MTPAP: variants seen among roughly 807,000 people sequenced by gnomAD.
The protein encoded by MTPAP is mitochondrial poly(A) polymerase.
In MTPAP, 23 loss-of-function variants were observed where a neutral mutation model predicts 48.7. That is an observed-to-expected ratio of 0.47 (90% CI 0.34 to 0.67). The LOEUF (loss-of-function observed/expected upper bound fraction) is 0.67, where lower values mean the gene tolerates loss of function less well. MTPAP is among the 30% of genes least tolerant of loss of function. The pLI is 0.01. For synonymous variants in MTPAP, 257 were observed against 254.1 expected (o/e 1.01, Z -0.11); for missense variants, 614 against 694.3 (o/e 0.88, Z 1.30).
intron 8 of MTPAP, 29 bp from the exon 9 acceptor site, chr10:30,314,000 G>T (rs751013489): frequency 2.5e-6 from 4 of 1,607,070 alleles, no homozygotes; most frequent in South Asian, 2.2e-5. Context: ...AAGAAAAAAT[G>T]AGTAAGTACA....
intron 4 of MTPAP, among the ~76,000 whole-genome samples, chr10:30,335,289 AC>A (rs1457458868): frequency 6.6e-6 from 1 of 152,092 alleles, no homozygotes; most frequent in Non-Finnish European, 1.5e-5. Flanking sequence ...GGAGTTCAAG[AC>A]CAGCCTGACC....
chr10:30,348,347 T>G lies in MTPAP; in HGVS notation c.157+772A>C, dbSNP rs539565167. Among the ~76,000 whole-genome samples the G allele has an allele frequency of 9.2e-5, 14 of 152,350 alleles. No individual in the cohort carries two copies. In the East Asian group the frequency reaches 2.7e-3, roughly 29 times the overall value. ...AATACATTTTGTTTAATAATTTGAC[T>G]AGAAGTCTAAATTAACTGAGCTAGT... On this transcript the variant is annotated intron_variant, in intron 1 of 8. Transcript: ENST00000263063.
chr10:30,320,155 T>C (rs1439285732), intron 6 of MTPAP, among the ~76,000 whole-genome samples: 1 of 152,130 alleles, frequency 6.6e-6, no homozygotes, highest in East Asian at 1.9e-4. Flanking sequence ...TCCCAGCTAT[T>C]GAGGAGGCTG....
intron 1 of MTPAP, among the ~76,000 whole-genome samples, chr10:30,344,162 C>G (rs1384910104): frequency 1.3e-5 from 2 of 152,166 alleles, no homozygotes; most frequent in African/African-American, 4.8e-5. Context: ...AAAGTGCTTG[C>G]ACCATGTCCC....
intron 5 of MTPAP, among the ~76,000 whole-genome samples, chr10:30,326,062 T>C (rs1214215330): frequency 6.6e-6 from 1 of 152,156 alleles, no homozygotes; most frequent in Non-Finnish European, 1.5e-5. Flanking sequence ...TAAATAGGCA[T>C]CTTTCTTTCT....
chr10:30,345,582 A>G (rs1158137071), intron 1 of MTPAP, among the ~76,000 whole-genome samples: 2 of 152,216 alleles, frequency 1.3e-5, no homozygotes, highest in African/African-American at 4.8e-5. Flanking sequence ...CACGATGACA[A>G]AGTTGTGAAG....
chr10:30,338,205 A>G (rs975480222), intron 3 of MTPAP, among the ~76,000 whole-genome samples: 4 of 152,210 alleles, frequency 2.6e-5, no homozygotes, highest in African/African-American at 9.7e-5. Flanking sequence ...AGCTACAGTG[A>G]GCTGAGATTG....
chr10:30,340,598 AT>A, intron 2 of MTPAP, 148 bp from the exon 3 acceptor site: 1 of 734,692 alleles, frequency 1.4e-6, no homozygotes, highest in Non-Finnish European at 2.3e-6. Flanking sequence ...CATAGCATTA[AT>A]TTTATTCAAT....
At chr10:30,322,725 T>C in intron 5 of MTPAP, 108 bp from the exon 6 acceptor site, 1 of 784,532 alleles carries the variant, frequency 1.3e-6, no homozygotes. Flanking sequence ...TATATCTGAA[T>C]GTATTCAGAA....
At chr10:30,338,747 ACC>A (rs1452630412) in intron 3 of MTPAP, among the ~76,000 whole-genome samples, 1 of 152,228 alleles carries the variant, frequency 6.6e-6, no homozygotes, top group Non-Finnish European at 1.5e-5. Flanking sequence ...AGAAAATTAA[ACC>A]TTGAAAATAA....
At position 30,313,481 on chromosome 10, in the gene MTPAP, T is replaced by G; in HGVS notation, c.*128A>C. ...CTTCAGACCAGGTTAAGGGGGCCAA[T>G]GAGAAGATCATGAAAAGTGACATCA... On this transcript the variant is annotated 3_prime_UTR_variant, in exon 9 of 9. Coordinates refer to ENST00000263063, the MANE Select transcript of MTPAP (RefSeq NM_018109.4). 171 of 1,327,714 alleles carry G rather than the reference T, an allele frequency of 1.3e-4. No individual in the cohort carries two copies. Among genetic ancestry groups the G allele is most frequent in the Middle Eastern group, 1.8e-4 (1 of 5,464 alleles). 82.2% of individuals were successfully genotyped at this position (1,327,714 alleles called of 1,614,324 possible).
intron 4 of MTPAP, among the ~76,000 whole-genome samples, chr10:30,331,048 T>C (rs1834660020): frequency 6.6e-6 from 1 of 152,050 alleles, no homozygotes. Context: ...TGACCAAAAA[T>C]GCAAGCCACG....
chr10:30,314,109 G>A, intron 8 of MTPAP, 138 bp from the exon 9 acceptor site: 1 of 1,054,470 alleles, frequency 9.5e-7, no homozygotes, highest in Non-Finnish European at 1.4e-6. Context: ...TTTCTCAGGG[G>A]ATTGAGTATG....
Position 30,311,468 on chromosome 10 carries a change from C to T in MTPAP, c.*2141G>A, listed in dbSNP as rs533632117. On this transcript the variant is annotated 3_prime_UTR_variant, in exon 9 of 9. Transcript: ENST00000263063. ...AAAGGTAATTACATACCACAAACAC[C>T]GAAAGGCAACAGTTAAAGAGAAGTA... 2.6e-5 allele frequency: 4 copies of T among 152,192 alleles called. No individual in the cohort carries two copies. Among genetic ancestry groups the T allele is most frequent in the South Asian group, 2.1e-4 (1 of 4,828 alleles). The allele number at this position is 152,192 out of a possible 1,614,324, so 9.4% of individuals were successfully genotyped here. A position where few individuals can be genotyped will look rare whatever the true frequency, so the allele number is the denominator to read the frequency against.
rs77547084 is a variant in MTPAP at position 30,346,992 on chromosome 10, C to T, written c.157+2127G>A. Among the ~76,000 whole-genome samples, 230 of 152,288 alleles carry T rather than the reference C, an allele frequency of 1.5e-3. 2 individuals are homozygous for T. Among genetic ancestry groups the T allele is most frequent in the African/African-American group, 5.1e-3 (214 of 41,554 alleles). ...AAATGAAAATATCTCACACTGACCACGTCAAACCAATTGACCTTAAAGTAT... is the reference window on the plus strand; with the variant it reads ...AAATGAAAATATCTCACACTGACCATGTCAAACCAATTGACCTTAAAGTAT... On this transcript the variant is annotated intron_variant, in intron 1 of 8. Coordinates refer to ENST00000263063, the MANE Select transcript of MTPAP (RefSeq NM_018109.4).
chr10:30,332,765 G>A (rs924710519), intron 4 of MTPAP, among the ~76,000 whole-genome samples: 2 of 152,058 alleles, frequency 1.3e-5, no homozygotes, highest in South Asian at 4.1e-4. Flanking sequence ...CAGGAGGATC[G>A]TTAGCCCAGG....
rs765906039 is a variant in MTPAP at position 30,341,571 on chromosome 10, C to T, written c.227G>A (p.Arg76Gln). The T allele has an allele frequency of 8.1e-6, 13 of 1,613,890 alleles. No homozygotes were observed. Among genetic ancestry groups the T allele is most frequent in the South Asian group, 2.2e-5 (2 of 91,084 alleles). Residue 76 changes from arginine to glutamine, a missense_variant, in exon 2 of 9, where the codon CGG becomes CAG. Around this residue, in one of 5 missense-constraint regions of MTPAP, gnomAD observed 125 missense variants for 111.5 expected, o/e 1.12. Coordinates refer to ENST00000263063, the MANE Select transcript of MTPAP (RefSeq NM_018109.4). ...MQNERREQAQ[R>Q]TVLIHCPEKI... The stretch of plus-strand genomic sequence containing the variant: ...CTCTGGGCAATGTATTAAAACAGTC[C>T]GCTGTGCCTGTTCTCGTCTTTCATT...
At chr10:30,334,531 C>A (rs112891611) in intron 4 of MTPAP, among the ~76,000 whole-genome samples, 2 of 151,856 alleles carry the variant, frequency 1.3e-5, no homozygotes, top group Non-Finnish European at 2.9e-5. Flanking sequence ...CGTGGTGGGG[C>A]GTGCCTGAAG....
chr10:30,336,742 T>C, intron 4 of MTPAP, 61 bp downstream of exon 4: 1 of 1,316,310 alleles, frequency 7.6e-7, no homozygotes. Flanking sequence ...AGTTCAAAGA[T>C]TTTTCTTTTT....
Sources: allele counts gnomAD v4.1 joint callset (sites outside exome capture counted in the v4.1 genomes callset), GRCh38; gene constraint gnomAD v4.1.1; regional missense constraint gnomAD v4.1.1; transcripts MANE v1.5; gene names NCBI Gene and HGNC (gene_info 2026-07-23, HGNC 2026-07-21).